Variants in OR7C1 observed in about 807,000 individuals in gnomAD.
OR7C1 encodes the protein olfactory receptor 7C1.
For synonymous variants in OR7C1, 152 were observed against 160.7 expected, an observed-to-expected ratio of 0.95 and a Z score of 0.41; for missense variants, 324 against 383.3, an observed-to-expected ratio of 0.85 and a Z score of 1.29.
intron 1 of OR7C1, chr19:14,824,670 G>A (rs2044757058): frequency 6.6e-6 from 1 of 152,124 alleles, no homozygotes; most frequent in Non-Finnish European, 1.5e-5. Flanking sequence ...ATTGTGAATA[G>A]CACCACAGTG....
chr19:14,828,758 C>CAAAAAAAAAAAAA (rs58983718), intron 1 of OR7C1, among the ~76,000 whole-genome samples: 6 of 35,152 alleles, frequency 1.7e-4, no homozygotes, highest in African/African-American at 6.3e-4. Context: ...GACTCCATCT[C>CAAAAAAAAAAAAA]AAAAAAAAAA....
intron 1 of OR7C1, among the ~76,000 whole-genome samples, chr19:14,818,051 C>CATTTG (rs1803264226): frequency 1.0e-5 from 1 of 99,184 alleles, no homozygotes; most frequent in South Asian, 2.9e-4. Context: ...ATAAGTCATA[C>CATTTG]ATTTTATTTA....
chr19:14,800,629 G>A (rs8110551), exon 3 of OR7C1: 3,831 of 152,856 alleles, frequency 0.025, 174 homozygotes, highest in African/African-American at 0.087. Flanking sequence ...CTGTAAAGGC[G>A]AGCTGCAGAC....
chr19:14,800,160 A>T lies in OR7C1; in HGVS notation c.-13-11T>A. On this transcript the variant is annotated splice_polypyrimidine_tract_variant and intron_variant, in intron 4 of 4. Transcript: ENST00000641666. ...ATGGGGATAAAATAACTGCCACAAGAGAGAAAAAAGCAACAGTCAATTATC... is the reference window on the plus strand; with the variant it reads ...ATGGGGATAAAATAACTGCCACAAGTGAGAAAAAAGCAACAGTCAATTATC... The T allele has an allele frequency of 6.6e-7, 1 of 1,519,218 alleles. No individual in the cohort carries two copies. Among genetic ancestry groups the T allele is most frequent in the Non-Finnish European group, 8.8e-7 (1 of 1,134,128 alleles). 94.1% of individuals were successfully genotyped at this position (1,519,218 alleles called of 1,614,324 possible).
chr19:14,826,258 T>C (rs548732467), intron 1 of OR7C1: 2 of 152,330 alleles, frequency 1.3e-5, no homozygotes, highest in South Asian at 4.1e-4. Flanking sequence ...TGAGTCATTC[T>C]TTAATCATGA....
chr19:14,806,632 G>T (rs2044667597), intron 2 of OR7C1, among the ~76,000 whole-genome samples: 2 of 152,044 alleles, frequency 1.3e-5, no homozygotes, highest in South Asian at 4.2e-4. Flanking sequence ...AGAACATGAG[G>T]TGTTTGGTTT....
chr19:14,801,236 T>A (rs2044640407), intron 2 of OR7C1, among the ~76,000 whole-genome samples: 1 of 152,192 alleles, frequency 6.6e-6, no homozygotes, highest in Non-Finnish European at 1.5e-5. Flanking sequence ...ATAACTATGC[T>A]TTTTCCCCCT....
At chr19:14,803,384 C>T (rs989889626) in intron 2 of OR7C1, among the ~76,000 whole-genome samples, 3 of 151,456 alleles carry the variant, frequency 2.0e-5, no homozygotes, top group Admixed American at 1.3e-4. Context: ...GCTGGCTGCT[C>T]CATCCTAATC....
At chr19:14,822,287 T>A (rs975492652) in intron 1 of OR7C1, among the ~76,000 whole-genome samples, 1 of 152,002 alleles carries the variant, frequency 6.6e-6, no homozygotes, top group African/African-American at 2.4e-5. Context: ...AACTATTTTC[T>A]ATAATGCTTG....
intron 1 of OR7C1, chr19:14,825,741 A>G (rs2044762835): frequency 6.6e-6 from 1 of 152,534 alleles, no homozygotes; most frequent in African/African-American, 2.4e-5. Context: ...AAGATCAGCA[A>G]AGCCCTACTG....
intron 1 of OR7C1, among the ~76,000 whole-genome samples, chr19:14,831,199 G>C (rs1030590356): frequency 6.6e-6 from 1 of 152,054 alleles, no homozygotes; most frequent in African/African-American, 2.4e-5. Context: ...TGGCAACAAA[G>C]GTACAGATCG....
At chr19:14,810,793 G>T (rs1477258354) in intron 1 of OR7C1, among the ~76,000 whole-genome samples, 7 of 151,846 alleles carry the variant, frequency 4.6e-5, no homozygotes, top group Admixed American at 4.6e-4. Flanking sequence ...AGTAAAAAAG[G>T]CTCATTTTGG....
chr19:14,822,266 G>A (rs2044744248), intron 1 of OR7C1, among the ~76,000 whole-genome samples: 1 of 150,866 alleles, frequency 6.6e-6, no homozygotes, highest in Non-Finnish European at 1.5e-5. Flanking sequence ...TTAGTTTTTT[G>A]GAGAACCCCC....
rs544596944 is a variant in OR7C1, at chr19:14,832,874, A to G, written c.-623+2200T>C. 1.6e-3 allele frequency among the ~76,000 whole-genome samples: 237 copies of G among 152,374 alleles called. 1 individual carries two copies. The highest frequency in any genetic ancestry group is 5.4e-3 in the African/African-American group (223 of 41,600). ...GTTGAAGTATTGAAAATTAACTGAC[A>G]TGCTATAATAATAATTTAATCATAT... On this transcript the variant is annotated intron_variant, in intron 1 of 4. Coordinates refer to ENST00000641666, the Ensembl canonical transcript of OR7C1.
chr19:14,814,809 C>T (rs1259607722), intron 1 of OR7C1, among the ~76,000 whole-genome samples: 2 of 152,120 alleles, frequency 1.3e-5, no homozygotes, highest in African/African-American at 2.4e-5. Flanking sequence ...CCAGCCATGA[C>T]GGGACGAGAG....
chr19:14,818,062 T>TTTTATTTATTTA (rs372783648), intron 1 of OR7C1, among the ~76,000 whole-genome samples: 12,090 of 139,352 alleles, frequency 0.087, 590 homozygotes, highest in Non-Finnish European at 0.098. Flanking sequence ...ATTTTATTTA[T>TTTTATTTATTTA]TTTATTTATT....
intron 1 of OR7C1, chr19:14,826,024 A>T (rs2044765096): frequency 6.6e-6 from 1 of 152,212 alleles, no homozygotes; most frequent in Non-Finnish European, 1.5e-5. Context: ...AGATAACTGT[A>T]TTAAAAAAAA....
intron 2 of OR7C1, among the ~76,000 whole-genome samples, chr19:14,802,376 TG>T (rs2044646184): frequency 6.6e-6 from 1 of 151,956 alleles, no homozygotes. Flanking sequence ...AAAAATGAGC[TG>T]GGCGTGGTGG....
intron 1 of OR7C1, chr19:14,827,125 A>T: frequency 1.5e-6 from 1 of 657,692 alleles, no homozygotes; most frequent in Non-Finnish European, 2.3e-6. Flanking sequence ...CAGAAAGCTT[A>T]ATAAAAGGAG....
Sources: gnomAD v4.1 joint callset for allele counts (sites outside exome capture counted in the v4.1 genomes callset) on GRCh38, gnomAD v4.1.1 for gene constraint, MANE v1.5 for transcripts, NCBI Gene and HGNC (gene_info 2026-07-23, HGNC 2026-07-21) for gene names.